Variants in ADCY9 observed in about 807,000 individuals in gnomAD.
ADCY9 encodes adenylate cyclase type 9.
Under a neutral mutation model 101.5 loss-of-function variants are expected in ADCY9, and 50 were observed. That is an observed-to-expected ratio of 0.49 (90% CI 0.39 to 0.62). The LOEUF (loss-of-function observed/expected upper bound fraction) is 0.62, where lower values mean the gene tolerates loss of function less well. Ranked by LOEUF, ADCY9 falls within the 20% of genes least tolerant of loss-of-function variation. ADCY9 has a pLI of 0.00. For missense variants in ADCY9, 1,662 were observed against 1,800.4 expected, an observed-to-expected ratio of 0.92 and a Z score of 1.39; for synonymous variants, 905 against 769.3, an observed-to-expected ratio of 1.18 and a Z score of -2.92.
At chr16:4,010,609 A>G (rs1010212999) in intron 2 of ADCY9, among the ~76,000 whole-genome samples, 1 of 152,180 alleles carries the variant, frequency 6.6e-6, no homozygotes, top group Non-Finnish European at 1.5e-5. Flanking sequence ...ACCTGTGTGG[A>G]GCCCATTACC....
chr16:4,021,026 T>C (rs1199528955), intron 2 of ADCY9, among the ~76,000 whole-genome samples: 2 of 152,158 alleles, frequency 1.3e-5, no homozygotes, highest in East Asian at 1.9e-4. Flanking sequence ...TTGACATACA[T>C]TATTTCTAAA....
At chr16:4,030,441 T>A (rs1416463545) in intron 2 of ADCY9, among the ~76,000 whole-genome samples, 1 of 152,018 alleles carries the variant, frequency 6.6e-6, no homozygotes, top group Non-Finnish European at 1.5e-5. Context: ...GTGGCTCAAG[T>A]CCGTAATCCC....
chr16:3,977,738 A>G, intron 8 of ADCY9, 108 bp from the exon 9 acceptor site: 1 of 1,362,708 alleles, frequency 7.3e-7, no homozygotes, highest in Non-Finnish European at 9.9e-7. Context: ...TTTTTTTTTG[A>G]CTGAGTCTCA....
chr16:4,025,630 G>T (rs2056509764), intron 2 of ADCY9, among the ~76,000 whole-genome samples: 1 of 152,224 alleles, frequency 6.6e-6, no homozygotes, highest in Admixed American at 6.5e-5. Context: ...AAATGGCCCG[G>T]GGGTGTGGCA....
chr16:3,955,612 C>A (rs1347870257), intron 5 of ADCY9, among the ~76,000 whole-genome samples: 1 of 148,514 alleles, frequency 6.7e-6, no homozygotes, highest in African/African-American at 2.5e-5. Flanking sequence ...GGCGCGATCT[C>A]AGGGCTCACT....
chr16:4,070,134 G>C (rs1192956951), intron 2 of ADCY9, among the ~76,000 whole-genome samples: 1 of 152,074 alleles, frequency 6.6e-6, no homozygotes, highest in Non-Finnish European at 1.5e-5. Flanking sequence ...GTGTGTGTGT[G>C]TGTGTGTGTG....
At chr16:4,004,495 G>A (rs569920974) in intron 3 of ADCY9, among the ~76,000 whole-genome samples, 1 of 152,154 alleles carries the variant, frequency 6.6e-6, no homozygotes, top group East Asian at 1.9e-4. Flanking sequence ...GCGCTGCCCT[G>A]GTTCTACACA....
At chr16:4,106,647 A>C (rs1259536601) in intron 2 of ADCY9, among the ~76,000 whole-genome samples, 1 of 152,198 alleles carries the variant, frequency 6.6e-6, no homozygotes, top group Non-Finnish European at 1.5e-5. Context: ...ACACTCTTAC[A>C]GTTTTGGAAT....
At chr16:4,061,349 C>T (rs2056772356) in intron 2 of ADCY9, among the ~76,000 whole-genome samples, 1 of 152,056 alleles carries the variant, frequency 6.6e-6, no homozygotes, top group Admixed American at 6.6e-5. Context: ...TTAATGTTCA[C>T]ATCCAACAAA....
At chr16:4,064,597 C>A (rs1288367933) in intron 2 of ADCY9, among the ~76,000 whole-genome samples, 1 of 152,094 alleles carries the variant, frequency 6.6e-6, no homozygotes, top group African/African-American at 2.4e-5. Context: ...CTCAGTCTCC[C>A]CATTAGCTGG....
At chr16:4,035,088 G>A (rs760928510) in intron 2 of ADCY9, among the ~76,000 whole-genome samples, 3 of 152,334 alleles carry the variant, frequency 2.0e-5, no homozygotes, top group South Asian at 4.1e-4. Flanking sequence ...AAACGGAGAT[G>A]TGACACGATC....
At chr16:3,953,785 G>A (rs771936339) in intron 5 of ADCY9, among the ~76,000 whole-genome samples, 2 of 152,160 alleles carry the variant, frequency 1.3e-5, no homozygotes, top group Non-Finnish European at 2.9e-5. Flanking sequence ...TTGAACCGCC[G>A]TCACCCCTTT....
intron 8 of ADCY9, 96 bp from the exon 9 acceptor site, chr16:3,977,726 C>A: frequency 9.2e-7 from 1 of 1,090,948 alleles, no homozygotes; most frequent in South Asian, 2.0e-5. Context: ...TCCATGTTTC[C>A]TTTTTTTTTT....
intron 2 of ADCY9, among the ~76,000 whole-genome samples, chr16:4,061,700 AC>A (rs907657403): frequency 1.3e-5 from 2 of 152,332 alleles, no homozygotes; most frequent in Non-Finnish European, 2.9e-5. Flanking sequence ...GACCCTACTT[AC>A]AAGAAATACT....
chr16:3,965,498 C>T lies in ADCY9; in HGVS notation c.*277G>A, dbSNP rs1404326309. On this transcript the variant is annotated 3_prime_UTR_variant, in exon 11 of 11. Coordinates refer to ENST00000294016, the MANE Select transcript of ADCY9 (RefSeq NM_001116.4). ...TCCACTGGCGGCCTCTGTCCCGAGA[C>T]TCGAGGCCGAGGCCAGCCCTGAAGG... 8.3e-6 allele frequency: 4 copies of T among 484,756 alleles called. No individual in the cohort carries two copies. Among genetic ancestry groups the T allele is most frequent in the Non-Finnish European group, 1.5e-5 (4 of 274,588 alleles). 30.0% of individuals were successfully genotyped at this position (484,756 alleles called of 1,614,324 possible).
rs186122874 is a variant in ADCY9, at chr16:4,037,500, C to T, written c.1694-29942G>A. Among the ~76,000 whole-genome samples, 48 of 152,180 alleles carry T rather than the reference C, an allele frequency of 3.2e-4. 1 individual carries two copies. The South Asian group carries it at 5.6e-3, about 18-fold the overall frequency. On this transcript the variant is annotated intron_variant, in intron 2 of 10. Transcript: ENST00000294016. ...CATTGATTCCATACCTTTGCTATTG[C>T]CAACATTGCTGTGATGAACATACAA...
In ADCY9 at chr16:4,100,764, GA is replaced by G. The variant is rs1052038964; in HGVS notation, c.1693+12985del. ...GTCTCAAAAAAAAAAAAAAAGAAAA[GA>G]AAAAAACAAACTCAGTCTGTAAATG... On this transcript the variant is annotated intron_variant, in intron 2 of 10. Transcript: ENST00000294016. 1.0e-3 allele frequency among the ~76,000 whole-genome samples: 146 copies of G among 144,688 alleles called. 1 individual carries two copies. The East Asian group carries it at 0.027, about 27-fold the overall frequency. The allele number at this position is 144,688 out of a possible 152,430, so 94.9% of individuals were successfully genotyped here.
rs182866978 is a variant in ADCY9, at chr16:4,070,571, T to G, written c.1693+43179A>C. 1.5e-3 allele frequency among the ~76,000 whole-genome samples: 225 copies of G among 152,284 alleles called. 1 individual carries two copies. Among genetic ancestry groups the G allele is most frequent in the African/African-American group, 5.1e-3 (214 of 41,554 alleles). Reference sequence around the variant, plus strand: ...TGGCTCACACCTGTAATCCCAGTGCTTTCGAAGACCAAGGCAGGAGGATCG... The same window carrying G: ...TGGCTCACACCTGTAATCCCAGTGCGTTCGAAGACCAAGGCAGGAGGATCG... On this transcript the variant is annotated intron_variant, in intron 2 of 10. Coordinates refer to ENST00000294016, the MANE Select transcript of ADCY9 (RefSeq NM_001116.4).
At chr16:4,000,033 G>A (rs907261504) in intron 3 of ADCY9, among the ~76,000 whole-genome samples, 1 of 152,162 alleles carries the variant, frequency 6.6e-6, no homozygotes, top group African/African-American at 2.4e-5. Context: ...CCCTGGCTTT[G>A]CCTGCTTCGT....
Sources: allele counts gnomAD v4.1 joint callset (sites outside exome capture counted in the v4.1 genomes callset), GRCh38; gene constraint gnomAD v4.1.1; transcripts MANE v1.5; gene names NCBI Gene and HGNC (gene_info 2026-07-23, HGNC 2026-07-21).